Variants in ZBTB38 observed in about 807,000 individuals in gnomAD.
ZBTB38 encodes zinc finger and BTB domain containing 38, also known as zinc finger and BTB domain-containing protein 38.
ZBTB38 carries 20 observed loss-of-function variants against 76.8 expected under a neutral mutation model. That is an observed-to-expected ratio of 0.26 (90% CI 0.18 to 0.38). The LOEUF is 0.38. Ranked by LOEUF, ZBTB38 falls within the 10% of genes least tolerant of loss-of-function variation. The pLI is 1.00. For missense variants in ZBTB38, 1,082 were observed against 1,482.3 expected (o/e 0.73, Z 4.43); for synonymous variants, 504 against 544.2 (o/e 0.93, Z 1.03).
upstream of ZBTB38, chr3:141,366,740 G>A (rs1192394467): frequency 6.6e-6 from 1 of 152,200 alleles, no homozygotes; most frequent in Non-Finnish European, 1.5e-5. Flanking sequence ...AAAGCTGTGG[G>A]TGTGTTATCA....
chr3:141,442,301 AC>A lies in ZBTB38; in HGVS notation c.1-87del. 1.0e-6 allele frequency: 1 copy of A among 984,236 alleles called. No homozygotes were observed. The highest frequency in any genetic ancestry group is 1.5e-6 in the Non-Finnish European group (1 of 657,194). 61.0% of individuals were successfully genotyped at this position (984,236 alleles called of 1,614,324 possible). A position where few individuals can be genotyped will look rare whatever the true frequency, so the allele number is the denominator to read the frequency against. On this transcript the variant is annotated intron_variant, in intron 5 of 5. Transcript: ENST00000321464. This position sits in a 1 kb window ranked among gnomAD's most constrained non-coding sequence, Gnocchi z 6.4. ...AAAACCTGAAGTTTCATACAAAAGA[AC>A]AGTTTTTCACAGAAGTGGAAAATAG...
intron 5 of ZBTB38, among the ~76,000 whole-genome samples, chr3:141,421,345 T>A: frequency 6.6e-6 from 1 of 151,342 alleles, no homozygotes; most frequent in East Asian, 1.9e-4. Flanking sequence ...CAGGTTGGTC[T>A]TGAACTCTTG....
intron 1 of ZBTB38, among the ~76,000 whole-genome samples, chr3:141,334,451 T>TC (rs1320535553): frequency 0.011 from 1,350 of 125,954 alleles, 20 homozygotes; most frequent in African/African-American, 0.042. Flanking sequence ...CTTCTTTCCT[T>TC]TCTTCCTTCC....
At chr3:141,426,389 C>T (rs775057798) in intron 5 of ZBTB38, among the ~76,000 whole-genome samples, 4 of 152,148 alleles carry the variant, frequency 2.6e-5, no homozygotes, top group South Asian at 2.1e-4. Context: ...TACACACGAC[C>T]GTGCCTTTTC....
At chr3:141,373,037 G>T (rs190840083) in intron 2 of ZBTB38, among the ~76,000 whole-genome samples, 7 of 152,274 alleles carry the variant, frequency 4.6e-5, no homozygotes, top group Admixed American at 6.5e-5. Flanking sequence ...CACCACATCA[G>T]GTACCAGAAT....
At chr3:141,374,611 A>T (rs188240538) in intron 2 of ZBTB38, among the ~76,000 whole-genome samples, 3 of 152,124 alleles carry the variant, frequency 2.0e-5, no homozygotes, top group Non-Finnish European at 4.4e-5. Flanking sequence ...GAATATATAC[A>T]AGAAAAAAAT....
intron 5 of ZBTB38, among the ~76,000 whole-genome samples, chr3:141,426,687 A>G (rs1353851725): frequency 6.6e-6 from 1 of 152,120 alleles, no homozygotes; most frequent in Non-Finnish European, 1.5e-5. Flanking sequence ...CACCTTTACA[A>G]CTTTTTTAGT....
chr3:141,435,227 C>T (rs772275111), intron 5 of ZBTB38, among the ~76,000 whole-genome samples: 35 of 152,084 alleles, frequency 2.3e-4, no homozygotes, highest in Non-Finnish European at 4.3e-4. Flanking sequence ...TGCTGGATGA[C>T]CATTCATCCT....
intron 1 of ZBTB38, among the ~76,000 whole-genome samples, chr3:141,329,484 G>T (rs1942781209): frequency 6.6e-6 from 1 of 152,146 alleles, no homozygotes; most frequent in African/African-American, 2.4e-5. Context: ...GAATAATACT[G>T]CCACAAGCAG....
chr3:141,444,742 G>A lies in ZBTB38; in HGVS notation c.2354G>A (p.Arg785Lys), dbSNP rs780885727. 1.9e-6 allele frequency: 3 copies of A among 1,613,996 alleles called. No individual in the cohort carries two copies. Among genetic ancestry groups the A allele is most frequent in the East Asian group, 4.5e-5 (2 of 44,892 alleles). Residue 785 changes from arginine (R) to lysine (K), a missense_variant, in exon 6 of 6, where the codon AGG (arginine) becomes AAG (lysine). Arg to Lys is a conservative substitution (Grantham distance 26). This residue lies in a region of ZBTB38 where 471 missense variants were observed against 581.0 expected (regional missense o/e 0.81). Coordinates refer to ENST00000321464, the MANE Select transcript of ZBTB38 (RefSeq NM_001376113.1). This position sits in a 1 kb window ranked among gnomAD's most constrained non-coding sequence, Gnocchi z 5.1. ...AAAAAGAAAACTACATCACATACCAGGGGAGAAATACCGGAGGAGTCAAAC... is the reference window on the plus strand; with the variant it reads ...AAAAAGAAAACTACATCACATACCAAGGGAGAAATACCGGAGGAGTCAAAC... ...KEKKKTTSHTRGEIPEESNYV... is the reference protein window; with the variant it reads ...KEKKKTTSHTKGEIPEESNYV...
intron 4 of ZBTB38, among the ~76,000 whole-genome samples, chr3:141,395,556 A>G (rs1285369478): frequency 6.6e-6 from 1 of 152,162 alleles, no homozygotes; most frequent in African/African-American, 2.4e-5. Flanking sequence ...GACAAAGCAA[A>G]TTTTCATAAA....
intron 5 of ZBTB38, among the ~76,000 whole-genome samples, chr3:141,434,764 C>T (rs2078371276): frequency 6.6e-6 from 1 of 151,800 alleles, no homozygotes; most frequent in Admixed American, 6.6e-5. Flanking sequence ...CTTAAAAGTA[C>T]TTTACATATT....
chr3:141,353,954 G>T (rs1391412061), intron 1 of ZBTB38, among the ~76,000 whole-genome samples: 1 of 152,102 alleles, frequency 6.6e-6, no homozygotes, highest in Non-Finnish European at 1.5e-5. Context: ...GAATTCATAA[G>T]CCACCTTATG....
intron 1 of ZBTB38, among the ~76,000 whole-genome samples, chr3:141,332,580 G>T (rs1371229199): frequency 6.6e-6 from 1 of 152,144 alleles, no homozygotes; most frequent in African/African-American, 2.4e-5. Flanking sequence ...CTTGTCAGGG[G>T]CTATAATATG....
At chr3:141,436,067 T>TG (rs1347870604) in intron 5 of ZBTB38, among the ~76,000 whole-genome samples, 1 of 152,224 alleles carries the variant, frequency 6.6e-6, no homozygotes, top group East Asian at 1.9e-4. Flanking sequence ...TGAAATCTAT[T>TG]GGGGGCTTTC....
rs137956206 is a variant in ZBTB38 at position 141,371,576 on chromosome 3, G to A, written c.-235+1630G>A. Reference sequence around the variant, plus strand: ...GCTGGTCTTGAACTCCTGGGCTCAAGCAATCCACCACCCACCTTGGCCTCC... The same window carrying A: ...GCTGGTCTTGAACTCCTGGGCTCAAACAATCCACCACCCACCTTGGCCTCC... On this transcript the variant is annotated intron_variant, in intron 2 of 5. Coordinates refer to ENST00000321464, the MANE Select transcript of ZBTB38 (RefSeq NM_001376113.1). Among the ~76,000 whole-genome samples, 250 of 151,720 alleles carry A rather than the reference G, an allele frequency of 1.6e-3. 1 individual carries two copies. Among genetic ancestry groups the A allele is most frequent in the African/African-American group, 5.8e-3 (238 of 41,328 alleles).
rs539433367 is a variant in ZBTB38, at chr3:141,371,245, G to A, written c.-235+1299G>A. Among the ~76,000 whole-genome samples the A allele has an allele frequency of 3.3e-5, 5 of 151,510 alleles. No homozygotes were observed. The South Asian group carries it at 1.0e-3, about 32-fold the overall frequency. On this transcript the variant is annotated intron_variant, in intron 2 of 5. Coordinates refer to ENST00000321464, the MANE Select transcript of ZBTB38 (RefSeq NM_001376113.1). Reference sequence around the variant, plus strand: ...TTTTTGTATTTTTAGTAGAGATGGGGTTTCACCATGTTGGCCAGGATGGTC... The same window carrying A: ...TTTTTGTATTTTTAGTAGAGATGGGATTTCACCATGTTGGCCAGGATGGTC...
intron 2 of ZBTB38, among the ~76,000 whole-genome samples, chr3:141,377,028 C>T (rs1330061923): frequency 1.3e-5 from 2 of 152,352 alleles, no homozygotes; most frequent in East Asian, 1.9e-4. Flanking sequence ...GCCAAAGCTA[C>T]AGGAAGACCC....
chr3:141,363,275 G>A (rs1943870388), intron 1 of ZBTB38, among the ~76,000 whole-genome samples: 4 of 152,190 alleles, frequency 2.6e-5, no homozygotes. Context: ...AGGTTTCCTA[G>A]GTTTATGAAT....
Sources: allele counts gnomAD v4.1 joint callset (sites outside exome capture counted in the v4.1 genomes callset), GRCh38; gene constraint gnomAD v4.1.1; regional missense constraint gnomAD v4.1.1; non-coding constraint Gnocchi (gnomAD v3.1); transcripts MANE v1.5; gene names NCBI Gene and HGNC (gene_info 2026-07-23, HGNC 2026-07-21).